SPINK7: variants seen among roughly 807,000 people sequenced by gnomAD.
SPINK7 encodes the protein serine protease inhibitor Kazal-type 7.
SPINK7 carries 8 observed loss-of-function variants against 11.6 expected under a neutral mutation model. The ratio of observed to expected loss-of-function variants is 0.69; its 90% CI spans 0.41 to 1.25. The LOEUF (loss-of-function observed/expected upper bound fraction) is 1.25, where lower values mean the gene tolerates loss of function less well. Ranked by LOEUF, SPINK7 falls within the 50% of genes most tolerant of loss-of-function variation. The pLI, the probability that SPINK7 is intolerant of heterozygous loss-of-function variation, is 0.01. For missense variants in SPINK7, 113 were observed against 99.3 expected (o/e 1.14, Z -0.58); for synonymous variants, 38 against 35.3 (o/e 1.08, Z -0.27).
intron 1 of SPINK7, 103 bp from the exon 2 acceptor site, chr5:148,313,271 C>T: frequency 2.3e-6 from 2 of 880,362 alleles, no homozygotes; most frequent in South Asian, 4.1e-5. Flanking sequence ...AATCTCATTG[C>T]TAAAGGAAAT....
intron 1 of SPINK7, among the ~76,000 whole-genome samples, chr5:148,313,008 T>C (rs202051284): frequency 1.3e-5 from 2 of 152,092 alleles, no homozygotes; most frequent in African/African-American, 4.8e-5. Context: ...CATTTCTTTA[T>C]GTCAATTGGG....
rs1185439103 is a variant in SPINK7, at chr5:148,313,387, G to T, written c.75G>T (p.Leu25=). ...TCTCTTTTTCAGAAGCTGCTAGTCT[G>T]TCTCCAAAAAAAGTAAGTATGTTGA... ...YFCSSSEAAS[L]SPKKVDCSIY... The change falls in exon 2 of 4, where the codon CTG becomes CTT. Residue 25 remains leucine (L), a synonymous_variant. Transcript: ENST00000274565. 3.7e-6 allele frequency: 6 copies of T among 1,601,246 alleles called. No individual in the cohort carries two copies. Among genetic ancestry groups the T allele is most frequent in the Non-Finnish European group, 5.1e-6 (6 of 1,171,808 alleles).
chr5:148,312,611 G>A (rs907329878), intron 1 of SPINK7, 67 bp downstream of exon 1: 22 of 871,990 alleles, frequency 2.5e-5, no homozygotes, highest in Middle Eastern at 2.3e-4. Context: ...TCCCTCCTGC[G>A]ATGTGAGCAT....
intron 3 of SPINK7, chr5:148,314,429 T>A (rs139160161): frequency 1.4e-5 from 8 of 588,426 alleles, no homozygotes; most frequent in African/African-American, 3.7e-5. Flanking sequence ...ACTAGTCCCA[T>A]CCCATCACAG....
chr5:148,313,296 T>C (rs1259918053), intron 1 of SPINK7, 78 bp from the exon 2 acceptor site: 8 of 1,089,664 alleles, frequency 7.3e-6, no homozygotes, highest in South Asian at 1.5e-5. Flanking sequence ...AGTAATTATA[T>C]AGGATGAAAC....
intron 1 of SPINK7, 63 bp downstream of exon 1, chr5:148,312,607 C>A: frequency 2.2e-6 from 2 of 922,690 alleles, no homozygotes; most frequent in Non-Finnish European, 3.4e-6. Context: ...ATAATCCCTC[C>A]TGCGATGTGA....
In SPINK7 at chr5:148,315,812, T is replaced by C. The variant is rs1756925175; in HGVS notation, c.*128T>C. On this transcript the variant is annotated 3_prime_UTR_variant, in exon 4 of 4. Coordinates refer to ENST00000274565, the MANE Select transcript of SPINK7 (RefSeq NM_032566.3). Reference sequence around the variant, plus strand: ...GGGGACAGAGCCAGATTCAGAGTAATCTTGACTGAATGGAGAAAGTTTCTG... The same window carrying C: ...GGGGACAGAGCCAGATTCAGAGTAACCTTGACTGAATGGAGAAAGTTTCTG... The C allele has an allele frequency of 2.6e-5, 15 of 566,400 alleles. No homozygotes were observed. The South Asian group carries it at 4.1e-4, about 16-fold the overall frequency. 35.1% of individuals were successfully genotyped at this position (566,400 alleles called of 1,614,324 possible).
chr5:148,313,287 G>C, intron 1 of SPINK7, 87 bp from the exon 2 acceptor site: 2 of 1,001,600 alleles, frequency 2.0e-6, no homozygotes. Flanking sequence ...GAAATGTAGA[G>C]TAATTATATA....
intron 3 of SPINK7, chr5:148,314,552 G>C (rs7713986): frequency 0.3 from 97,150 of 320,656 alleles, 15,811 homozygotes; most frequent in African/African-American, 0.49. Context: ...TCACCATTAG[G>C]GTTAAAGGGA....
rs372555086 is a variant in SPINK7, at chr5:148,315,625, G to A, written c.213-14G>A. 2 of 1,578,248 alleles carry A rather than the reference G, an allele frequency of 1.3e-6. No individual in the cohort carries two copies. Among genetic ancestry groups the A allele is most frequent in the South Asian group, 2.2e-5 (2 of 89,974 alleles). On this transcript the variant is annotated splice_polypyrimidine_tract_variant and intron_variant, in intron 3 of 3. Transcript: ENST00000274565. ...CTTGTGCTAATGAATCTTGTGAACT[G>A]TGTCTTCCCTTAGGAAAAGTAATGG...
intron 2 of SPINK7, 136 bp downstream of exon 2, chr5:148,313,535 G>T (rs1581178643): frequency 5.8e-6 from 3 of 520,412 alleles, no homozygotes; most frequent in South Asian, 7.6e-5. Context: ...CTGTTCTCCA[G>T]AAGGCAACTA....
chr5:148,313,453 CAA>C, intron 2 of SPINK7, 54 bp downstream of exon 2: 1 of 1,333,412 alleles, frequency 7.5e-7, no homozygotes, highest in Non-Finnish European at 1.1e-6. Context: ...GTCATTTAGT[CAA>C]CATATATGTA....
At position 148,314,180 on chromosome 5, in the gene SPINK7, C is replaced by A. The variant is rs374264422; in HGVS notation, c.168C>A (p.Asp56Glu). 7 of 1,613,670 alleles carry A rather than the reference C, an allele frequency of 4.3e-6. No homozygotes were observed. The highest frequency in any genetic ancestry group is 5.9e-6 in the Non-Finnish European group (7 of 1,179,776). The change falls in exon 3 of 4, where the codon GAC becomes GAA. Residue 56 changes from aspartate to glutamate, a missense_variant. Physicochemically the swap from Asp to Glu is conservative, Grantham distance 45 (BLOSUM62 2). Coordinates refer to ENST00000274565, the MANE Select transcript of SPINK7 (RefSeq NM_032566.3). ...CATACCTACCAGTTTGTGGTTCTGA[C>A]TACATCACCTATGGGAATGAATGTC... ...PITYLPVCGS[D>E]YITYGNECHL...
At chr5:148,314,451 CCTGT>C (rs1386229054) in intron 3 of SPINK7, 3 of 561,142 alleles carry the variant, frequency 5.3e-6, no homozygotes, top group East Asian at 2.8e-5. Flanking sequence ...ACCTCCAGTT[CCTGT>C]CTGTCAATTG....
chr5:148,313,877 G>A (rs546420009), intron 2 of SPINK7: 45 of 552,324 alleles, frequency 8.1e-5, no homozygotes, highest in Non-Finnish European at 1.2e-4. Flanking sequence ...TAAGTTTAAC[G>A]CCTAGCCCAG....
chr5:148,312,814 G>A (rs1756878551), intron 1 of SPINK7, among the ~76,000 whole-genome samples: 1 of 152,042 alleles, frequency 6.6e-6, no homozygotes, highest in South Asian at 2.1e-4. Flanking sequence ...ACTGGAAGTT[G>A]TCAGTGTTAT....
intron 2 of SPINK7, 144 bp downstream of exon 2, chr5:148,313,543 C>A (rs1015586720): frequency 6.0e-6 from 3 of 499,852 alleles, no homozygotes; most frequent in African/African-American, 4.0e-5. Flanking sequence ...CAGAAGGCAA[C>A]TAAACAAATA....
chr5:148,313,587 G>GT (rs954372391), intron 2 of SPINK7, 188 bp downstream of exon 2: 12 of 424,186 alleles, frequency 2.8e-5, no homozygotes, highest in African/African-American at 1.4e-4. Flanking sequence ...TTTTAAAAAT[G>GT]TTTTTTAAAA....
In SPINK7 at chr5:148,315,769, T is replaced by C; in HGVS notation, c.*85T>C. On this transcript the variant is annotated 3_prime_UTR_variant, in exon 4 of 4. Coordinates refer to ENST00000274565, the MANE Select transcript of SPINK7 (RefSeq NM_032566.3). ...GGCTCTGACTGAGTTTCTTTCAGTTTTACTGATGTTCTGGGTGGGGGACAG... is the reference window on the plus strand; with the variant it reads ...GGCTCTGACTGAGTTTCTTTCAGTTCTACTGATGTTCTGGGTGGGGGACAG... The C allele has an allele frequency of 1.2e-6, 1 of 865,092 alleles. No individual in the cohort carries two copies. Among genetic ancestry groups the C allele is most frequent in the South Asian group, 1.5e-5 (1 of 67,722 alleles). 53.6% of individuals were successfully genotyped at this position (865,092 alleles called of 1,614,324 possible).
Sources: allele counts gnomAD v4.1 joint callset (sites outside exome capture counted in the v4.1 genomes callset), GRCh38; gene constraint gnomAD v4.1.1; transcripts MANE v1.5; gene names NCBI Gene and HGNC (gene_info 2026-07-23, HGNC 2026-07-21).